The following PKD2L1 variants were observed in gnomAD, a reference collection of about 807,000 sequenced individuals.
The protein encoded by PKD2L1 is polycystin-2-like protein 1.
In PKD2L1, 77 loss-of-function variants were observed where a neutral mutation model predicts 93.0. The ratio of observed to expected loss-of-function variants is 0.83; its 90% CI spans 0.69 to 1.00. PKD2L1 has a LOEUF of 1.00. PKD2L1 is among the 50% of genes least tolerant of loss of function. PKD2L1 has a pLI of 0.00. For missense variants in PKD2L1, 977 were observed against 990.9 expected (o/e 0.99, Z 0.19); for synonymous variants, 390 against 388.0 (o/e 1.01, Z -0.06).
At chr10:100,318,249 T>A (rs1849145642) in intron 2 of PKD2L1, among the ~76,000 whole-genome samples, 1 of 152,204 alleles carries the variant, frequency 6.6e-6, no homozygotes, top group African/African-American at 2.4e-5. Flanking sequence ...CCTGTGTACC[T>A]TATTTCATAG....
intron 4 of PKD2L1, among the ~76,000 whole-genome samples, chr10:100,297,822 G>A (rs1336270085): frequency 6.6e-6 from 1 of 151,770 alleles, no homozygotes; most frequent in East Asian, 1.9e-4. Context: ...TGAGAAGGGA[G>A]AGTGAATATT....
In PKD2L1 at chr10:100,302,078, G is replaced by A. The variant is rs909566230; in HGVS notation, c.350-2360C>T. ...TTCAACTCCTGACCTCATGTGATCC[G>A]CCCACTTTGGCCTCCCAAAGTGCTG... On this transcript the variant is annotated intron_variant, in intron 2 of 15. Transcript: ENST00000318222. Among the ~76,000 whole-genome samples, 3 of 152,206 alleles carry A rather than the reference G, an allele frequency of 2.0e-5. No individual in the cohort carries two copies. In the South Asian group the frequency reaches 6.2e-4, roughly 32 times the overall value.
chr10:100,289,064 A>G lies in PKD2L1; in HGVS notation c.2251-8T>C. On this transcript the variant is annotated splice_polypyrimidine_tract_variant and splice_region_variant and intron_variant, in intron 14 of 15. Transcript: ENST00000318222. Reference sequence around the variant, plus strand: ...CCAAATAGCTTGTTCCTTCTGTTGGAAGAAGAAAGGGACAAATCATTTGAA... The same window carrying G: ...CCAAATAGCTTGTTCCTTCTGTTGGGAGAAGAAAGGGACAAATCATTTGAA... 6.2e-7 allele frequency: 1 copy of G among 1,600,096 alleles called. No individual in the cohort carries two copies. Among genetic ancestry groups the G allele is most frequent in the Non-Finnish European group, 8.6e-7 (1 of 1,168,780 alleles).
intron 4 of PKD2L1, among the ~76,000 whole-genome samples, chr10:100,298,015 C>T (rs1485394717): frequency 6.6e-6 from 1 of 152,128 alleles, no homozygotes; most frequent in Non-Finnish European, 1.5e-5. Flanking sequence ...AGCACCTGGA[C>T]CAGGAGGAAA....
chr10:100,291,486 G>A lies in PKD2L1; in HGVS notation c.1881-59C>T. Reference sequence around the variant, plus strand: ...GCTGTGGCTGTGACCTCTCAGTTATGGACTTCCTCACTCTTTTGCTTGACT... The same window carrying A: ...GCTGTGGCTGTGACCTCTCAGTTATAGACTTCCTCACTCTTTTGCTTGACT... On this transcript the variant is annotated intron_variant, in intron 11 of 15. Coordinates refer to ENST00000318222, the MANE Select transcript of PKD2L1 (RefSeq NM_016112.3). 4.4e-6 allele frequency: 7 copies of A among 1,577,528 alleles called. No individual in the cohort carries two copies. The South Asian group carries it at 8.0e-5, about 18-fold the overall frequency.
rs1386116138 is a variant in PKD2L1, at chr10:100,293,321, C to G, written c.1718G>C (p.Gly573Ala). The G allele has an allele frequency of 1.2e-6, 2 of 1,613,788 alleles. No homozygotes were observed. The highest frequency in any genetic ancestry group is 3.3e-5 in the Admixed American group (2 of 60,026). The change falls in exon 10 of 16, where the codon GGA (glycine) becomes GCA (alanine). Residue 573 changes from glycine to alanine, a missense_variant. Gly to Ala is a moderately conservative substitution (Grantham distance 60). Coordinates refer to ENST00000318222, the MANE Select transcript of PKD2L1 (RefSeq NM_016112.3). ...TYSEVKEELA[G>A]QKDELQLSDL... ...AGAAAGTTGCAGCTCATCCTTCTGT[C>G]CAGCCAGCTCCTCCTTGACCTCTGA... is the stretch of plus-strand genomic sequence containing the variant.
chr10:100,316,970 C>T (rs1849113480), intron 2 of PKD2L1, among the ~76,000 whole-genome samples: 1 of 152,058 alleles, frequency 6.6e-6, no homozygotes, highest in African/African-American at 2.4e-5. Context: ...TGCCTGTAGT[C>T]CCAGCTACCT....
intron 14 of PKD2L1, 68 bp from the exon 15 acceptor site, chr10:100,289,124 A>C (rs980279857): frequency 8.6e-7 from 1 of 1,156,496 alleles, no homozygotes. Flanking sequence ...TTTTCTCTCT[A>C]TCTGATTCCA....
In PKD2L1 at chr10:100,294,534, C is replaced by G; in HGVS notation, c.1659+1G>C. The G allele has an allele frequency of 6.2e-7, 1 of 1,614,052 alleles. No individual in the cohort carries two copies. Among genetic ancestry groups the G allele is most frequent in the Middle Eastern group, 1.6e-4 (1 of 6,062 alleles). On this transcript the variant is annotated splice_donor_variant, in intron 9 of 15. Transcript: ENST00000318222. LOFTEE classifies it high-confidence loss of function. The stretch of plus-strand genomic sequence containing the variant: ...TCCCCACCCCTCAGAGAGACCCTCA[C>G]CAGGAGCACGAAGAAGACGAAGAAG...
intron 2 of PKD2L1, among the ~76,000 whole-genome samples, chr10:100,306,990 G>A (rs1008529966): frequency 8.6e-5 from 13 of 151,400 alleles, no homozygotes; most frequent in African/African-American, 2.4e-4. Flanking sequence ...AATAAGTATC[G>A]TAGTTTGACT....
At chr10:100,323,887 G>C (rs1046596769) in intron 2 of PKD2L1, among the ~76,000 whole-genome samples, 1 of 152,014 alleles carries the variant, frequency 6.6e-6, no homozygotes, top group African/African-American at 2.4e-5. Context: ...GAGGGCAGTG[G>C]CATGATCTCA....
chr10:100,293,366 G>GC lies in PKD2L1; in HGVS notation c.1672dup (p.Ala558GlyfsTer5). The GC allele has an allele frequency of 6.2e-7, 1 of 1,611,026 alleles. No homozygotes were observed. Among genetic ancestry groups the GC allele is most frequent in the Non-Finnish European group, 8.5e-7 (1 of 1,177,172 alleles). ...CTCTGAATATGTGTCATTGATGATG[G>GC]CCAGGAACATGTTCTGGAAAATGAA... On this transcript the variant is annotated frameshift_variant, in exon 10 of 16. Transcript: ENST00000318222. LOFTEE classifies it high-confidence loss of function.
At chr10:100,304,331 G>C (rs952408020) in intron 2 of PKD2L1, among the ~76,000 whole-genome samples, 8 of 152,024 alleles carry the variant, frequency 5.3e-5, no homozygotes, top group Non-Finnish European at 1.0e-4. Flanking sequence ...CCCAAACCGA[G>C]TATTTCTAAT....
chr10:100,329,382 C>T (rs982284370), intron 1 of PKD2L1, 58 bp from the exon 2 acceptor site: 2 of 1,612,090 alleles, frequency 1.2e-6, no homozygotes, highest in African/African-American at 2.7e-5. Flanking sequence ...TCCCAGTCAT[C>T]CCCACCCATC....
At chr10:100,318,662 G>T (rs1266349928) in intron 2 of PKD2L1, among the ~76,000 whole-genome samples, 1 of 151,078 alleles carries the variant, frequency 6.6e-6, no homozygotes, top group African/African-American at 2.4e-5. Flanking sequence ...GGGACTACAG[G>T]CATCTGCCAC....
Position 100,306,855 on chromosome 10 carries a change from CAAAAAAA to C in PKD2L1, c.350-7144_350-7138del, listed in dbSNP as rs61413476. ...CCTGGGCGAGAGAGTGAGACCCTGT[CAAAAAAA>C]AAAAAAAAAAAGAAAGAGAGAGAAA... On this transcript the variant is annotated intron_variant, in intron 2 of 15. Transcript: ENST00000318222. Among the ~76,000 whole-genome samples, 270 of 49,872 alleles carry C rather than the reference CAAAAAAA, an allele frequency of 5.4e-3. 13 individuals are homozygous for C. Among genetic ancestry groups the C allele is most frequent in the African/African-American group, 0.029 (251 of 8,708 alleles). 32.7% of individuals were successfully genotyped at this position (49,872 alleles called of 152,430 possible).
intron 8 of PKD2L1, 85 bp downstream of exon 8, chr10:100,294,857 C>G: frequency 7.4e-7 from 1 of 1,350,130 alleles, no homozygotes; most frequent in Non-Finnish European, 1.0e-6. Flanking sequence ...CAGACACGCA[C>G]GTACCCATCT....
intron 2 of PKD2L1, among the ~76,000 whole-genome samples, chr10:100,314,954 AGAAAGAAAGAAGGAAGGAAGGAAG>A (rs1257294812): frequency 3.7e-5 from 2 of 54,536 alleles, no homozygotes; most frequent in Non-Finnish European, 7.8e-5. Context: ...AAAGAAAGAA[AGAAAGAAAGAAGGAAGGAAGGAAG>A]GAAGGAAGGA....
chr10:100,321,662 GAAAAGAAAGAAAGAAAGAAAGAAA>G (rs1849230912), intron 2 of PKD2L1, among the ~76,000 whole-genome samples: 2 of 99,868 alleles, frequency 2.0e-5, no homozygotes, highest in Admixed American at 2.6e-4. Context: ...AACAGAGTGA[GAAAAGAAAGAAAGAAAGAAAGAAA>G]GAAAGAAAGA....
Sources: gnomAD v4.1 joint callset for allele counts (sites outside exome capture counted in the v4.1 genomes callset) on GRCh38, gnomAD v4.1.1 for gene constraint, MANE v1.5 for transcripts, NCBI Gene and HGNC (gene_info 2026-07-23, HGNC 2026-07-21) for gene names.